The following TM4SF1 variants were observed in gnomAD, a reference collection of about 807,000 sequenced individuals.
TM4SF1 encodes the protein transmembrane 4 L six family member 1, also known as transmembrane 4 L6 family member 1.
In TM4SF1, 20 loss-of-function variants were observed where a neutral mutation model predicts 24.5. That is an observed-to-expected ratio of 0.82 (90% CI 0.57 to 1.19). The LOEUF (loss-of-function observed/expected upper bound fraction) is 1.19, where lower values mean the gene tolerates loss of function less well. TM4SF1 is among the 50% of genes most tolerant of loss of function. TM4SF1 has a pLI of 0.00. For missense variants in TM4SF1, 258 were observed against 248.1 expected (o/e 1.04, Z -0.27); for synonymous variants, 107 against 95.4 (o/e 1.12, Z -0.71).
intron 3 of TM4SF1, among the ~76,000 whole-genome samples, chr3:149,372,599 T>C (rs565031950): frequency 2.0e-4 from 31 of 152,346 alleles, no homozygotes; most frequent in African/African-American, 7.2e-4. Flanking sequence ...AGCAAATTCA[T>C]GGGATTAAAC....
chr3:149,369,977 C>A, intron 4 of TM4SF1, 97 bp from the exon 5 acceptor site: 1 of 1,433,244 alleles, frequency 7.0e-7, no homozygotes, highest in Non-Finnish European at 9.5e-7. Flanking sequence ...CATAAACAGA[C>A]TGATCTTAGC....
In TM4SF1 at chr3:149,377,392, G is replaced by A; in HGVS notation, c.156C>T (p.Gly52=). The part of the protein sequence containing the change: ...HLSRFVWFFS[G]IVGGGLLMLL... The stretch of plus-strand genomic sequence containing the variant: ...TTACCAGCAGGCCACCTCCTACGAT[G>A]CCAGAAAAGAACCACACGAAGCGGC... Residue 52 remains glycine, a synonymous_variant, in exon 1 of 5, where the codon GGC becomes GGT. Transcript: ENST00000305366. 1.2e-6 allele frequency: 2 copies of A among 1,613,990 alleles called. No individual in the cohort carries two copies. Among genetic ancestry groups the A allele is most frequent in the Non-Finnish European group, 1.7e-6 (2 of 1,179,944 alleles).
chr3:149,373,612 C>T (rs1731882279), intron 3 of TM4SF1, among the ~76,000 whole-genome samples: 1 of 152,152 alleles, frequency 6.6e-6, no homozygotes, highest in Admixed American at 6.5e-5. Flanking sequence ...TTCTGCATGT[C>T]AGCAGAACAA....
At chr3:149,377,191 A>C (rs1731975421) in intron 1 of TM4SF1, among the ~76,000 whole-genome samples, 180 bp downstream of exon 1, 1 of 152,234 alleles carries the variant, frequency 6.6e-6, no homozygotes, top group South Asian at 2.1e-4. Context: ...ACATCTCATA[A>C]AATTACTACG....
rs116790485 is a variant in TM4SF1, at chr3:149,377,287, A to G, written c.177+84T>C. ...AAAGTCACTTGATTTAGAAATATGC[A>G]TTACAAAAAACTTTCCATGAAAATA... On this transcript the variant is annotated intron_variant, in intron 1 of 4. Transcript: ENST00000305366. 5,838 of 1,507,212 alleles carry G rather than the reference A, an allele frequency of 3.9e-3. 18 individuals are homozygous for G. The highest frequency in any genetic ancestry group is 5.2e-3 in the Admixed American group (225 of 43,654). 93.4% of individuals were successfully genotyped at this position (1,507,212 alleles called of 1,614,324 possible).
rs1261736608 is a variant in TM4SF1, at chr3:149,371,928, T to C, written c.414-61A>G. On this transcript the variant is annotated intron_variant, in intron 3 of 4. Coordinates refer to ENST00000305366, the MANE Select transcript of TM4SF1 (RefSeq NM_014220.3). ...ATACTTGAGGGGATACTTCATAAAC[T>C]ACTTTTGTTTGGTGGTTTTTCATTC... 3.3e-6 allele frequency: 5 copies of C among 1,509,308 alleles called. No homozygotes were observed. The African/African-American group carries it at 7.0e-5, about 21-fold the overall frequency. The allele number at this position is 1,509,308 out of a possible 1,614,324, so 93.5% of individuals were successfully genotyped here.
At position 149,369,624 on chromosome 3, in the gene TM4SF1, C is replaced by G; in HGVS notation, c.*242G>C. 2.1e-6 allele frequency: 1 copy of G among 472,264 alleles called. No individual in the cohort carries two copies. The highest frequency in any genetic ancestry group is 2.5e-5 in the South Asian group (1 of 40,240). The allele number at this position is 472,264 out of a possible 1,614,324, so 29.3% of individuals were successfully genotyped here. ...TGTCACTCAGTCTGTAAATTACCCC[C>G]AGAGGGTGGTTTGTTTCCTCATTCC... On this transcript the variant is annotated 3_prime_UTR_variant, in exon 5 of 5. Transcript: ENST00000305366.
In TM4SF1 at chr3:149,375,577, A is replaced by G. The variant is rs1731931381; in HGVS notation, c.279T>C (p.Ser93=). 1.2e-6 allele frequency: 2 copies of G among 1,614,246 alleles called. No homozygotes were observed. Among genetic ancestry groups the G allele is most frequent in the Non-Finnish European group, 1.7e-6 (2 of 1,180,040 alleles). Residue 93 remains serine (S), a synonymous_variant, in exon 3 of 5, where the codon TCT becomes TCC. Coordinates refer to ENST00000305366, the MANE Select transcript of TM4SF1 (RefSeq NM_014220.3). ...NCGKRCAMLS[S]VLAALIGIAG... is the part of the protein sequence containing the mutation. The stretch of plus-strand genomic sequence containing the variant: ...CAATTCCAATGAGAGCAGCCAATAC[A>G]GAAGAAAGCATCTAGGGAAAAGCAG...
chr3:149,371,464 A>C, intron 4 of TM4SF1: 1 of 610,700 alleles, frequency 1.6e-6, no homozygotes, highest in South Asian at 2.0e-5. Flanking sequence ...TCTTGTGTAC[A>C]TAGAGCCAAC....
chr3:149,372,687 A>C (rs1731855218), intron 3 of TM4SF1, among the ~76,000 whole-genome samples: 1 of 152,138 alleles, frequency 6.6e-6, no homozygotes, highest in African/African-American at 2.4e-5. Context: ...GCAATGGCGC[A>C]ATCTTGGCTC....
chr3:149,375,815 C>T (rs548540606), intron 1 of TM4SF1, 46 bp from the exon 2 acceptor site: 17 of 1,577,966 alleles, frequency 1.1e-5, no homozygotes, highest in South Asian at 3.3e-5. Context: ...TGCTCAGGCT[C>T]ATATGGGTCA....
chr3:149,376,193 T>G (rs147608203), intron 1 of TM4SF1, among the ~76,000 whole-genome samples: 22 of 152,224 alleles, frequency 1.4e-4, no homozygotes, highest in Non-Finnish European at 1.2e-4. Flanking sequence ...ATGGGAGACA[T>G]GAAAGCTATA....
intron 3 of TM4SF1, among the ~76,000 whole-genome samples, chr3:149,373,262 G>A (rs937543117): frequency 4.9e-4 from 74 of 152,206 alleles, no homozygotes; most frequent in East Asian, 5.8e-4. Context: ...CCATACTGAG[G>A]TGATATCTGA....
chr3:149,370,525 C>G (rs1346525729), intron 4 of TM4SF1: 1 of 152,218 alleles, frequency 6.6e-6, no homozygotes, highest in African/African-American at 2.4e-5. Context: ...TGAACTCTGC[C>G]TTGTATGAAA....
rs1487141499 is a variant in TM4SF1, at chr3:149,369,409, T to G, written c.*457A>C. 6.2e-6 allele frequency: 1 copy of G among 161,018 alleles called. No homozygotes were observed. The highest frequency in any genetic ancestry group is 1.3e-5 in the Non-Finnish European group (1 of 74,762). The allele number at this position is 161,018 out of a possible 1,614,324, so 10.0% of individuals were successfully genotyped here. ...CTCTTGTTAGAGATTTATAGGTGTA[T>G]GAATGGGAAACATCATACAAGCAGT... On this transcript the variant is annotated 3_prime_UTR_variant, in exon 5 of 5. Coordinates refer to ENST00000305366, the MANE Select transcript of TM4SF1 (RefSeq NM_014220.3).
intron 4 of TM4SF1, 147 bp from the exon 5 acceptor site, chr3:149,370,027 A>G (rs1731783422): frequency 1.0e-6 from 1 of 974,038 alleles, no homozygotes; most frequent in African/African-American, 1.7e-5. Context: ...GGGCTTGGAC[A>G]ATGCTCACAA....
intron 1 of TM4SF1, 135 bp downstream of exon 1, chr3:149,377,236 C>T (rs1731976609): frequency 1.8e-6 from 2 of 1,133,116 alleles, no homozygotes; most frequent in Non-Finnish European, 2.5e-6. Flanking sequence ...GTATAATCTG[C>T]TTTCAAAGGA....
intron 4 of TM4SF1, 175 bp downstream of exon 4, chr3:149,371,512 G>A (rs558979129): frequency 1.2e-4 from 80 of 671,058 alleles, no homozygotes; most frequent in African/African-American, 8.7e-4. Flanking sequence ...TGTGAGACTC[G>A]AGGAAGCTTG....
At chr3:149,370,552 A>C (rs1731797023) in intron 4 of TM4SF1, 1 of 152,296 alleles carries the variant, frequency 6.6e-6, no homozygotes, top group African/African-American at 2.4e-5. Flanking sequence ...GCTAAAGGTA[A>C]GCTGCATGAC....
Sources: allele counts gnomAD v4.1 joint callset (sites outside exome capture counted in the v4.1 genomes callset), GRCh38; gene constraint gnomAD v4.1.1; transcripts MANE v1.5; gene names NCBI Gene and HGNC (gene_info 2026-07-23, HGNC 2026-07-21).